The following MEIS2 variants were observed in gnomAD, a reference collection of about 807,000 sequenced individuals.
MEIS2 encodes the protein Meis homeobox 2.
MEIS2 carries 9 observed loss-of-function variants against 58.6 expected under a neutral mutation model. That is an observed-to-expected ratio of 0.15 (90% confidence interval 0.09 to 0.27). The LOEUF (loss-of-function observed/expected upper bound fraction) is 0.27. MEIS2 is among the 10% of genes least tolerant of loss of function. The probability of loss-of-function intolerance (pLI) is 1.00; values close to 1 mark genes in which losing one functional copy is unlikely to be tolerated. For synonymous variants in MEIS2, 221 were observed against 228.4 expected (o/e 0.97, Z 0.29); for missense variants, 427 against 635.0 (o/e 0.67, Z 3.52).
chr15:37,044,019 A>C (rs2062557345), intron 7 of MEIS2, among the ~76,000 whole-genome samples: 1 of 152,050 alleles, frequency 6.6e-6, no homozygotes, highest in South Asian at 2.1e-4. Flanking sequence ...TGTCACTTTC[A>C]TTATGATCAT....
chr15:36,921,371 C>G (rs1056529363), intron 9 of MEIS2, among the ~76,000 whole-genome samples: 14 of 152,264 alleles, frequency 9.2e-5, no homozygotes, highest in African/African-American at 3.4e-4. Flanking sequence ...GGACAGCCAC[C>G]CAGCTTGTGT....
Position 36,965,785 on chromosome 15 carries a change from G to A in MEIS2, c.901-15385C>T, listed in dbSNP as rs79326692. ...GTGGCTAATGTCTGCAACACACTGC[G>A]ATAATGACCAGGAGACTAACTAGTC... On this transcript the variant is annotated intron_variant, in intron 8 of 11. Coordinates refer to ENST00000561208, the MANE Select transcript of MEIS2 (RefSeq NM_170675.5). Among the ~76,000 whole-genome samples the A allele has an allele frequency of 6.6e-5, 10 of 152,248 alleles. No homozygotes were observed. In the East Asian group the frequency reaches 1.7e-3, roughly 26 times the overall value.
At position 36,971,536 on chromosome 15, in the gene MEIS2, T is replaced by TAAAAAAAA. The variant is rs1567126001; in HGVS notation, c.901-21137_901-21136insTTTTTTTT. On this transcript the variant is annotated intron_variant, in intron 8 of 11. Transcript: ENST00000561208. ...TGTATTACTTGTATGCCTTGTTACA[T>TAAAAAAAA]TAAAAAAAAAAAAAAAAAAAAAAAA... 4.1e-3 allele frequency among the ~76,000 whole-genome samples: 267 copies of TAAAAAAAA among 65,406 alleles called. 85 individuals carry two copies. Among genetic ancestry groups the TAAAAAAAA allele is most frequent in the African/African-American group, 6.4e-3 (71 of 11,074 alleles). The allele number at this position is 65,406 out of a possible 152,430, so 42.9% of individuals were successfully genotyped here.
chr15:37,005,975 A>G (rs552627698), intron 8 of MEIS2, among the ~76,000 whole-genome samples: 3 of 152,214 alleles, frequency 2.0e-5, no homozygotes, highest in Non-Finnish European at 2.9e-5. Flanking sequence ...ACATCTCTCA[A>G]TGAAATGGGG....
intron 9 of MEIS2, among the ~76,000 whole-genome samples, chr15:36,923,885 A>G (rs893495535): frequency 7.9e-5 from 12 of 152,188 alleles, no homozygotes; most frequent in Non-Finnish European, 1.3e-4. Flanking sequence ...TGGCTGAAAC[A>G]TCTGTGGGAA....
chr15:37,051,978 C>CA (rs34511475), intron 7 of MEIS2, among the ~76,000 whole-genome samples: 84,999 of 149,830 alleles, frequency 0.57, 24,423 homozygotes, highest in South Asian at 0.74. Context: ...ATCCAAGTTG[C>CA]AAAAAAAAAA....
At chr15:37,030,877 G>T (rs1174917046) in intron 8 of MEIS2, among the ~76,000 whole-genome samples, 1 of 151,960 alleles carries the variant, frequency 6.6e-6, no homozygotes, top group Non-Finnish European at 1.5e-5. Context: ...TGAGCTTCAG[G>T]CATTCCTCCC....
chr15:36,994,830 A>G (rs376098160), intron 8 of MEIS2, among the ~76,000 whole-genome samples: 161 of 152,356 alleles, frequency 1.1e-3, no homozygotes, highest in Non-Finnish European at 1.8e-3. Context: ...AAATCTTTAC[A>G]TGAATAATAT....
At chr15:36,951,997 A>C (rs1307634084) in intron 8 of MEIS2, among the ~76,000 whole-genome samples, 1 of 152,094 alleles carries the variant, frequency 6.6e-6, no homozygotes, top group East Asian at 1.9e-4. Context: ...TGCTTTGGTC[A>C]CTCACACTCA....
At chr15:36,923,049 A>G (rs369188236) in intron 9 of MEIS2, among the ~76,000 whole-genome samples, 1 of 152,174 alleles carries the variant, frequency 6.6e-6, no homozygotes, top group Non-Finnish European at 1.5e-5. Flanking sequence ...CACAGACAAT[A>G]TTTATTCTTA....
At chr15:37,093,428 T>C (rs998286335) in intron 6 of MEIS2, among the ~76,000 whole-genome samples, 153 bp downstream of exon 6, 8 of 152,094 alleles carry the variant, frequency 5.3e-5, no homozygotes, top group Non-Finnish European at 8.8e-5. Flanking sequence ...ATGAAGGGTA[T>C]GGCAGAGAAA....
At chr15:36,952,607 C>CTCTCTGTGTGTG (rs1490440825) in intron 8 of MEIS2, among the ~76,000 whole-genome samples, 15 of 140,090 alleles carry the variant, frequency 1.1e-4, no homozygotes, top group East Asian at 4.3e-4. Context: ...GTCTCTCTCT[C>CTCTCTGTGTGTG]TGTGTGTGTG....
In MEIS2 at chr15:36,917,193, T is replaced by C. The variant is rs115898865; in HGVS notation, c.978-20507A>G. Among the ~76,000 whole-genome samples, 319 of 152,346 alleles carry C rather than the reference T, an allele frequency of 2.1e-3. 2 individuals are homozygous for C. The highest frequency in any genetic ancestry group is 7.3e-3 in the African/African-American group (302 of 41,584). ...CTTTATCCGCTATTTCCCAGTCAGA[T>C]AGAGAAATTGAACCAATTATTAGAG... is the stretch of plus-strand genomic sequence containing the variant. On this transcript the variant is annotated intron_variant, in intron 9 of 11. Transcript: ENST00000561208.
At chr15:37,093,886 A>C (rs1893859555) in intron 5 of MEIS2, 156 bp from the exon 6 acceptor site, 1 of 874,332 alleles carries the variant, frequency 1.1e-6, no homozygotes, top group Admixed American at 2.3e-5. Flanking sequence ...AGGGTGTAAT[A>C]GTTGAAGGCA....
intron 9 of MEIS2, among the ~76,000 whole-genome samples, chr15:36,907,112 A>T (rs1161168699): frequency 6.6e-6 from 1 of 152,242 alleles, no homozygotes; most frequent in Non-Finnish European, 1.5e-5. Flanking sequence ...AGGAAAATCT[A>T]TATAAAAGAC....
At chr15:37,007,231 C>A (rs1398069964) in intron 8 of MEIS2, among the ~76,000 whole-genome samples, 3 of 152,114 alleles carry the variant, frequency 2.0e-5, no homozygotes, top group Non-Finnish European at 2.9e-5. Context: ...GGAAGCCTAG[C>A]TCTCAAAAGA....
At chr15:37,059,179 G>C (rs1888854057) in intron 7 of MEIS2, among the ~76,000 whole-genome samples, 1 of 152,114 alleles carries the variant, frequency 6.6e-6, no homozygotes, top group African/African-American at 2.4e-5. Flanking sequence ...TAGGGGAGCA[G>C]ACTGCTTTTT....
intron 6 of MEIS2, among the ~76,000 whole-genome samples, chr15:37,092,799 T>C (rs965405659): frequency 7.9e-6 from 1 of 126,202 alleles, no homozygotes; most frequent in African/African-American, 3.0e-5. Flanking sequence ...ACAGAGAGAA[T>C]AGAAAGAAAT....
chr15:36,890,396 A>G lies in MEIS2; in HGVS notation c.*1777T>C, dbSNP rs916982929. 11 of 152,264 alleles carry G rather than the reference A, an allele frequency of 7.2e-5. No individual in the cohort carries two copies. The highest frequency in any genetic ancestry group is 1.2e-4 in the Non-Finnish European group (8 of 68,000). The allele number at this position is 152,264 out of a possible 1,614,324, so 9.4% of individuals were successfully genotyped here. A position where few individuals can be genotyped will look rare whatever the true frequency, so the allele number is the denominator to read the frequency against. ...GTCCATTTTGTTTTGTTTTGTTTTC[A>G]GAAAAAAGTTTAAGTTTAGTTATCA... is the stretch of plus-strand genomic sequence containing the variant. On this transcript the variant is annotated 3_prime_UTR_variant, in exon 12 of 12. Transcript: ENST00000561208.
Sources: allele counts gnomAD v4.1 joint callset (sites outside exome capture counted in the v4.1 genomes callset), GRCh38; gene constraint gnomAD v4.1.1; transcripts MANE v1.5; gene names NCBI Gene and HGNC (gene_info 2026-07-23, HGNC 2026-07-21).